NBAS: variants seen among roughly 807,000 people sequenced by gnomAD.
The protein encoded by NBAS is NAG/BC035112 fusion.
Under a neutral mutation model 302.5 loss-of-function variants are expected in NBAS, and 219 were observed. The ratio of observed to expected loss-of-function variants is 0.72; its 90% confidence interval spans 0.65 to 0.81. The LOEUF (loss-of-function observed/expected upper bound fraction) is 0.81, where lower values mean the gene tolerates loss of function less well. Ranked by LOEUF, NBAS falls within the 30% of genes least tolerant of loss-of-function variation. The pLI is 0.00. For missense variants in NBAS, 2,932 were observed against 2,841.6 expected (o/e 1.03, Z -0.72); for synonymous variants, 1,118 against 1,021.6 (o/e 1.09, Z -1.80).
the NBAS span, among the ~76,000 whole-genome samples, chr2:14,813,701 G>A: frequency 6.6e-6 from 1 of 152,176 alleles, no homozygotes; most frequent in East Asian, 1.9e-4. Flanking sequence ...TGGAAAATTT[G>A]CAGCCTAACC....
the NBAS span, among the ~76,000 whole-genome samples, chr2:14,906,472 G>C: frequency 6.6e-6 from 1 of 152,174 alleles, no homozygotes. Flanking sequence ...GCACGGAAAG[G>C]CTGCCTCTGC....
chr2:14,991,531 C>T, the NBAS span, among the ~76,000 whole-genome samples: 3 of 152,208 alleles, frequency 2.0e-5, no homozygotes, highest in Non-Finnish European at 4.4e-5. Flanking sequence ...CCATGGTTCT[C>T]AAACTTTGAA....
intron 50 of NBAS, chr2:15,180,181 T>C (rs557492924): frequency 6.6e-6 from 1 of 152,336 alleles, no homozygotes; most frequent in African/African-American, 2.4e-5. Context: ...ATGACACAAG[T>C]AAGCTCGCAT....
chr2:15,042,689 A>C, the NBAS span, among the ~76,000 whole-genome samples: 125,080 of 152,144 alleles, frequency 0.82, 51,768 homozygotes, highest in East Asian at 0.99. Context: ...GAAATCATTC[A>C]CTGCCAGGTC....
At chr2:14,873,726 A>C in the NBAS span, among the ~76,000 whole-genome samples, 1 of 151,606 alleles carries the variant, frequency 6.6e-6, no homozygotes, top group South Asian at 2.1e-4. Context: ...ACATATTTAA[A>C]ATAACCTGTA....
At chr2:15,249,701 C>A (rs7568060) in intron 44 of NBAS, among the ~76,000 whole-genome samples, 41,220 of 151,948 alleles carry the variant, frequency 0.27, 6,839 homozygotes, top group African/African-American at 0.47. Flanking sequence ...AGTGAATTCC[C>A]ATTCACAATT....
chr2:15,058,883 C>T, the NBAS span, among the ~76,000 whole-genome samples: 1 of 152,216 alleles, frequency 6.6e-6, no homozygotes, highest in African/African-American at 2.4e-5. Context: ...AAGCCGACCT[C>T]CAAGGCCAAA....
chr2:15,238,393 C>T (rs1667703060), intron 45 of NBAS, 75 bp downstream of exon 45: 1 of 1,450,642 alleles, frequency 6.9e-7, no homozygotes, highest in African/African-American at 1.4e-5. Context: ...GTCAAAACGA[C>T]TAATGTAACT....
intron 25 of NBAS, among the ~76,000 whole-genome samples, chr2:15,411,836 A>G (rs566569809): frequency 6.6e-6 from 1 of 152,300 alleles, no homozygotes; most frequent in East Asian, 1.9e-4. Flanking sequence ...AAAAATGCAC[A>G]TGGTTCTGAG....
chr2:15,399,516 T>G (rs566525124), intron 26 of NBAS, among the ~76,000 whole-genome samples: 1 of 152,132 alleles, frequency 6.6e-6, no homozygotes. Flanking sequence ...GAGACACACT[T>G]GCTACACTCT....
the NBAS span, among the ~76,000 whole-genome samples, chr2:15,009,722 G>A: frequency 6.2e-5 from 5 of 80,998 alleles, no homozygotes; most frequent in Non-Finnish European, 9.5e-5. Flanking sequence ...ATATATATAC[G>A]GTGCATATGT....
At chr2:14,809,488 G>A in the NBAS span, among the ~76,000 whole-genome samples, 144 of 152,342 alleles carry the variant, frequency 9.5e-4, 1 homozygote, top group African/African-American at 2.9e-3. Flanking sequence ...TCCATGTGGT[G>A]TTGAGCCTGT....
chr2:15,196,258 G>A (rs552300921), intron 48 of NBAS, among the ~76,000 whole-genome samples: 124 of 152,174 alleles, frequency 8.1e-4, no homozygotes, highest in Non-Finnish European at 1.5e-3. Context: ...CTGGTTATAT[G>A]AACCTATACA....
At chr2:15,328,148 T>C in intron 37 of NBAS, 51 bp downstream of exon 37, 2 of 1,550,004 alleles carry the variant, frequency 1.3e-6, no homozygotes, top group South Asian at 2.2e-5. Context: ...GTTTCTACTG[T>C]CTACAACAGC....
chr2:15,279,462 T>C (rs1271660094), intron 42 of NBAS, among the ~76,000 whole-genome samples: 1 of 152,136 alleles, frequency 6.6e-6, no homozygotes. Flanking sequence ...GCAGCAATAA[T>C]CGAAAAGAGT....
intron 33 of NBAS, 80 bp downstream of exon 33, chr2:15,356,223 T>C (rs1054438611): frequency 9.0e-6 from 11 of 1,227,308 alleles, no homozygotes; most frequent in Middle Eastern, 1.9e-4. Flanking sequence ...ATCAGGTCAA[T>C]TGATTTCAGA....
the NBAS span, among the ~76,000 whole-genome samples, chr2:15,105,569 T>C: frequency 1.9e-3 from 283 of 152,176 alleles, 1 homozygote; most frequent in African/African-American, 5.9e-3. Flanking sequence ...TATGGCCCCA[T>C]CAAAGTCATT....
intron 38 of NBAS, among the ~76,000 whole-genome samples, chr2:15,323,454 G>A (rs2148209410): frequency 6.6e-6 from 1 of 152,304 alleles, no homozygotes; most frequent in South Asian, 2.1e-4. Flanking sequence ...GTCTCAGTAT[G>A]AAGAATGGAC....
At chr2:15,354,138 T>C (rs897955983) in intron 33 of NBAS, among the ~76,000 whole-genome samples, 1 of 152,158 alleles carries the variant, frequency 6.6e-6, no homozygotes, top group African/African-American at 2.4e-5. Flanking sequence ...AATAACACCT[T>C]CCTCTTGGGT....
Sources: allele counts gnomAD v4.1 joint callset (sites outside exome capture counted in the v4.1 genomes callset), GRCh38; gene constraint gnomAD v4.1.1; transcripts MANE v1.5; gene names NCBI Gene and HGNC (gene_info 2026-07-23, HGNC 2026-07-21).